The following ARSK variants were observed in gnomAD, a reference collection of about 807,000 sequenced individuals.
The protein encoded by ARSK is arylsulfatase family member K, also known as arylsulfatase K.
ARSK carries 37 observed loss-of-function variants against 53.2 expected under a neutral mutation model. That is an observed-to-expected ratio of 0.70 (90% confidence interval 0.54 to 0.92). The LOEUF (loss-of-function observed/expected upper bound fraction) is 0.92. Ranked by LOEUF, ARSK falls within the 40% of genes least tolerant of loss-of-function variation. The pLI, the probability that ARSK is intolerant of heterozygous loss-of-function variation, is 0.00. For synonymous variants in ARSK, 208 were observed against 223.2 expected (o/e 0.93, Z 0.61); for missense variants, 613 against 643.0 (o/e 0.95, Z 0.51).
chr5:95,568,085 C>T lies in ARSK; in HGVS notation c.416+36C>T, dbSNP rs767007839. On this transcript the variant is annotated intron_variant, in intron 3 of 7. Coordinates refer to ENST00000380009, the MANE Select transcript of ARSK (RefSeq NM_198150.3). The stretch of plus-strand genomic sequence containing the variant: ...AACAAAAATAATCATCATGGACTGC[C>T]CTCTGCCATAGCGTGTACATGTACT... The T allele has an allele frequency of 5.6e-5, 89 of 1,602,856 alleles. 1 individual carries two copies. Among genetic ancestry groups the T allele is most frequent in the South Asian group, 1.1e-5 (1 of 89,886 alleles).
chr5:95,586,846 A>C (rs2112436948), intron 5 of ARSK, 113 bp downstream of exon 5: 1 of 836,382 alleles, frequency 1.2e-6, no homozygotes, highest in East Asian at 3.0e-5. Context: ...TAACTATAGG[A>C]ATCTTGACAC....
chr5:95,588,906 G>A (rs1407692327), intron 5 of ARSK, among the ~76,000 whole-genome samples: 4 of 152,070 alleles, frequency 2.6e-5, no homozygotes, highest in African/African-American at 7.2e-5. Flanking sequence ...AGGTTGCAGT[G>A]AACCAAGATC....
intron 1 of ARSK, among the ~76,000 whole-genome samples, chr5:95,560,296 C>A (rs1477179996): frequency 2.6e-5 from 4 of 151,648 alleles, no homozygotes; most frequent in Admixed American, 1.3e-4. Flanking sequence ...CTGTCAAAAT[C>A]CCTAGAACCT....
intron 1 of ARSK, among the ~76,000 whole-genome samples, chr5:95,557,837 C>T (rs989537213): frequency 4.2e-4 from 64 of 152,296 alleles, no homozygotes; most frequent in African/African-American, 1.4e-3. Flanking sequence ...CAAATGAAAA[C>T]TCTTTTTTAA....
intron 3 of ARSK, among the ~76,000 whole-genome samples, chr5:95,573,322 A>C (rs1748867366): frequency 6.6e-6 from 1 of 152,214 alleles, no homozygotes; most frequent in South Asian, 2.1e-4. Context: ...AAATTTTAAA[A>C]ACTAAATTTC....
intron 4 of ARSK, among the ~76,000 whole-genome samples, chr5:95,584,538 TA>T (rs1394035746): frequency 6.6e-6 from 1 of 152,216 alleles, no homozygotes; most frequent in East Asian, 1.9e-4. Flanking sequence ...TAAGTTACTT[TA>T]AAAACTAATC....
chr5:95,591,229 C>G (rs1472508257), intron 5 of ARSK, among the ~76,000 whole-genome samples, 172 bp from the exon 6 acceptor site: 1 of 152,116 alleles, frequency 6.6e-6, no homozygotes, highest in Non-Finnish European at 1.5e-5. Flanking sequence ...GAAGAGCAAG[C>G]AGTAGACAGA....
At chr5:95,561,135 T>C (rs1748626814) in intron 1 of ARSK, among the ~76,000 whole-genome samples, 1 of 152,178 alleles carries the variant, frequency 6.6e-6, no homozygotes, top group African/African-American at 2.4e-5. Context: ...CATTTCTTCA[T>C]AGAAGATACG....
intron 4 of ARSK, among the ~76,000 whole-genome samples, chr5:95,584,095 T>C (rs1459834092): frequency 6.6e-6 from 1 of 152,214 alleles, no homozygotes; most frequent in Non-Finnish European, 1.5e-5. Flanking sequence ...GAATTTCACT[T>C]CCAGCCTTGT....
rs764857812 is a variant in ARSK at position 95,591,431 on chromosome 5, ATCT to A, written c.908_910del (p.Leu303del). 4.3e-6 allele frequency: 7 copies of A among 1,613,810 alleles called. No individual in the cohort carries two copies. The Admixed American group carries it at 5.0e-5, about 12-fold the overall frequency. On this transcript the variant is annotated inframe_deletion, in exon 6 of 8. Coordinates refer to ENST00000380009, the MANE Select transcript of ARSK (RefSeq NM_198150.3). ...ATTATTTTGGCCCTTCATCAATTAG[ATCT>A]TCTTCAGAAAACTATTGTCATATAC... is the stretch of plus-strand genomic sequence containing the variant.
At chr5:95,589,687 A>G (rs769470098) in intron 5 of ARSK, among the ~76,000 whole-genome samples, 2 of 152,204 alleles carry the variant, frequency 1.3e-5, no homozygotes, top group Non-Finnish European at 2.9e-5. Context: ...GTTGGTGGGC[A>G]TTTGTGTTGA....
intron 4 of ARSK, among the ~76,000 whole-genome samples, chr5:95,584,970 A>C (rs1749087274): frequency 1.3e-5 from 2 of 152,296 alleles, no homozygotes; most frequent in African/African-American, 2.4e-5. Flanking sequence ...AGATTGCGTC[A>C]TTGCACCCCA....
intron 7 of ARSK, among the ~76,000 whole-genome samples, chr5:95,601,929 A>G (rs561003348): frequency 6.6e-6 from 1 of 152,212 alleles, no homozygotes; most frequent in Non-Finnish European, 1.5e-5. Context: ...AATTTATGGG[A>G]GGCCATTGTT....
At chr5:95,580,951 A>G (rs551181025) in intron 3 of ARSK, 840 of 1,281,078 alleles carry the variant, frequency 6.6e-4, no homozygotes, top group Non-Finnish European at 8.2e-4. Flanking sequence ...AGGTAAAAAT[A>G]CCTTTTGCCT....
At chr5:95,595,931 T>TTTTTG (rs1482608318) in intron 6 of ARSK, among the ~76,000 whole-genome samples, 2 of 152,234 alleles carry the variant, frequency 1.3e-5, no homozygotes, top group African/African-American at 4.8e-5. Context: ...CAAATTGATG[T>TTTTTG]TTTTGTTTTG....
At chr5:95,582,004 G>A (rs1749027795) in intron 3 of ARSK, among the ~76,000 whole-genome samples, 1 of 151,904 alleles carries the variant, frequency 6.6e-6, no homozygotes, top group Non-Finnish European at 1.5e-5. Context: ...CTTATATATG[G>A]GTGGTTAGTC....
At position 95,567,871 on chromosome 5, in the gene ARSK, C is replaced by CTTTT; in HGVS notation, c.257-9_257-6dup. The CTTTT allele has an allele frequency of 1.6e-6, 2 of 1,268,524 alleles. No individual in the cohort carries two copies. The highest frequency in any genetic ancestry group is 2.9e-5 in the South Asian group (2 of 69,142). The allele number at this position is 1,268,524 out of a possible 1,614,324, so 78.6% of individuals were successfully genotyped here. A position where few individuals can be genotyped will look rare whatever the true frequency, so the allele number is the denominator to read the frequency against. ...TTAAGCTTTACCTTAATCCCAATTC[C>CTTTT]TTTTTTTTTTTTTCTCAGCAATGTG... is the stretch of plus-strand genomic sequence containing the variant. On this transcript the variant is annotated intron_variant, in intron 2 of 7. Transcript: ENST00000380009.
At chr5:95,573,907 C>G (rs1748879002) in intron 3 of ARSK, among the ~76,000 whole-genome samples, 1 of 152,098 alleles carries the variant, frequency 6.6e-6, no homozygotes, top group African/African-American at 2.4e-5. Context: ...TTATAATGTA[C>G]AATTAAATTA....
At chr5:95,556,208 A>G (rs1445027720) in intron 1 of ARSK, 1 of 702,398 alleles carries the variant, frequency 1.4e-6, no homozygotes, top group East Asian at 2.7e-5. Context: ...TTTCTCGTAG[A>G]TTCCTGATGA....
Sources: allele counts gnomAD v4.1 joint callset (sites outside exome capture counted in the v4.1 genomes callset), GRCh38; gene constraint gnomAD v4.1.1; transcripts MANE v1.5; gene names NCBI Gene and HGNC (gene_info 2026-07-23, HGNC 2026-07-21).